CALU: variants seen among roughly 807,000 people sequenced by gnomAD.
The protein encoded by CALU is calumenin.
Under a neutral mutation model 37.5 loss-of-function variants are expected in CALU, and 13 were observed. The observed-to-expected ratio is 0.35, with a 90% CI of 0.23 to 0.55. The LOEUF (loss-of-function observed/expected upper bound fraction) is 0.55. Ranked by LOEUF, CALU falls within the 20% of genes least tolerant of loss-of-function variation. The pLI, the probability that CALU is intolerant of heterozygous loss-of-function variation, is 0.89. For missense variants in CALU, 282 were observed against 391.7 expected (o/e 0.72, Z 2.36); for synonymous variants, 114 against 133.8 (o/e 0.85, Z 1.02).
intron 3 of CALU, among the ~76,000 whole-genome samples, chr7:128,755,357 C>T (rs1292298879): frequency 2.0e-5 from 3 of 149,184 alleles, no homozygotes; most frequent in African/African-American, 7.4e-5. Flanking sequence ...TACATACTTC[C>T]AACAGTGCAA....
intron 6 of CALU, 138 bp downstream of exon 6, chr7:128,767,793 G>T: frequency 1.4e-6 from 1 of 696,064 alleles, no homozygotes. Flanking sequence ...TGAATCTGGC[G>T]ATTAAAACCT....
intron 1 of CALU, among the ~76,000 whole-genome samples, chr7:128,747,089 A>T (rs1403672905): frequency 1.3e-5 from 2 of 151,802 alleles, no homozygotes; most frequent in African/African-American, 4.8e-5. Flanking sequence ...ACCTTTGTGT[A>T]TTTTTCCATA....
intron 1 of CALU, among the ~76,000 whole-genome samples, chr7:128,744,435 C>G (rs1800355638): frequency 6.6e-6 from 1 of 151,870 alleles, no homozygotes; most frequent in Non-Finnish European, 1.5e-5. Context: ...ATTCATAAAA[C>G]AAGAGGGCTT....
chr7:128,755,298 C>G (rs763711730), intron 3 of CALU, among the ~76,000 whole-genome samples: 1 of 106,650 alleles, frequency 9.4e-6, no homozygotes, highest in East Asian at 2.5e-4. Flanking sequence ...GGGGACAGAG[C>G]GAGCTCTGTC....
At chr7:128,762,877 G>A (rs941403098) in intron 5 of CALU, among the ~76,000 whole-genome samples, 8 of 151,962 alleles carry the variant, frequency 5.3e-5, no homozygotes, top group Non-Finnish European at 1.2e-4. Flanking sequence ...ATGTTGGCCA[G>A]GGTGATCTTG....
At chr7:128,742,374 A>T (rs1386863490) in intron 1 of CALU, among the ~76,000 whole-genome samples, 1 of 152,194 alleles carries the variant, frequency 6.6e-6, no homozygotes, top group Non-Finnish European at 1.5e-5. Context: ...GTGAATATCC[A>T]TCCAGCTCAG....
intron 2 of CALU, among the ~76,000 whole-genome samples, chr7:128,753,410 A>T (rs140056913): frequency 4.9e-4 from 75 of 152,248 alleles, no homozygotes; most frequent in African/African-American, 1.8e-3. Context: ...TTTTCATATC[A>T]TGGACATATT....
chr7:128,758,054 C>T (rs993665355), intron 3 of CALU, among the ~76,000 whole-genome samples: 1 of 146,558 alleles, frequency 6.8e-6, no homozygotes, highest in Admixed American at 6.7e-5. Flanking sequence ...TATCCATTAC[C>T]CCCCCAACAT....
chr7:128,754,550 C>T (rs368808641), intron 3 of CALU, 95 bp downstream of exon 3: 206 of 1,559,278 alleles, frequency 1.3e-4, no homozygotes, highest in African/African-American at 1.2e-3. Flanking sequence ...ATAAAATAGA[C>T]GCGGATAAAG....
intron 2 of CALU, among the ~76,000 whole-genome samples, chr7:128,749,568 TC>T (rs1260654138): frequency 6.6e-6 from 1 of 152,208 alleles, no homozygotes; most frequent in African/African-American, 2.4e-5. Flanking sequence ...TGGTGCAACT[TC>T]CTGATTGTAT....
Position 128,769,438 on chromosome 7 carries a change from C to T in CALU, c.*271C>T, listed in dbSNP as rs1321630685. ...ATGGCGTGTTTATTTTTGTATTTTT[C>T]TCTGGTTGGGAGTATGATATGAAGG... On this transcript the variant is annotated 3_prime_UTR_variant, in exon 7 of 7. Coordinates refer to ENST00000249364, the MANE Select transcript of CALU (RefSeq NM_001219.5). The T allele has an allele frequency of 4.5e-6, 1 of 222,054 alleles. No homozygotes were observed. Among genetic ancestry groups the T allele is most frequent in the Non-Finnish European group, 9.0e-6 (1 of 111,616 alleles). 13.8% of individuals were successfully genotyped at this position (222,054 alleles called of 1,614,324 possible).
chr7:128,742,016 T>C (rs1800260071), intron 1 of CALU, among the ~76,000 whole-genome samples: 1 of 152,230 alleles, frequency 6.6e-6, no homozygotes. Flanking sequence ...AGCTGTCTTA[T>C]AAATGTATTC....
At chr7:128,754,847 T>C in intron 3 of CALU, 1 of 446,658 alleles carries the variant, frequency 2.2e-6, no homozygotes, top group South Asian at 1.0e-4. Flanking sequence ...TGATTCCCTT[T>C]ATTAATTTTA....
At chr7:128,764,397 G>A (rs1346576920) in intron 5 of CALU, among the ~76,000 whole-genome samples, 2 of 149,606 alleles carry the variant, frequency 1.3e-5, no homozygotes, top group Non-Finnish European at 3.0e-5. Flanking sequence ...CTGCACTCCA[G>A]CCTGGGCAAC....
chr7:128,755,038 G>A (rs1299744059), intron 3 of CALU, among the ~76,000 whole-genome samples: 4 of 151,154 alleles, frequency 2.6e-5, no homozygotes, highest in African/African-American at 4.9e-5. Flanking sequence ...GCTGGGTGCC[G>A]ATAGCTCACG....
intron 5 of CALU, 142 bp downstream of exon 5, chr7:128,759,994 A>G: frequency 1.8e-6 from 1 of 554,774 alleles, no homozygotes; most frequent in Non-Finnish European, 3.3e-6. Context: ...TCAGGAGTCC[A>G]AGTCCAGCCT....
In CALU at chr7:128,759,868, T is replaced by A; in HGVS notation, c.643+16T>A. 2 of 1,273,012 alleles carry A rather than the reference T, an allele frequency of 1.6e-6. No individual in the cohort carries two copies. The highest frequency in any genetic ancestry group is 2.3e-6 in the Non-Finnish European group (2 of 870,652). 78.9% of individuals were successfully genotyped at this position (1,273,012 alleles called of 1,614,324 possible). A position where few individuals can be genotyped will look rare whatever the true frequency, so the allele number is the denominator to read the frequency against. On this transcript the variant is annotated intron_variant, in intron 5 of 6. Transcript: ENST00000249364. ...GAGTATATTGGTAAGTCTCTGCTTT[T>A]AGTGTTTTTCTTAGAAAAGCTGAGA...
At chr7:128,760,462 A>G (rs937336357) in intron 5 of CALU, among the ~76,000 whole-genome samples, 2 of 152,004 alleles carry the variant, frequency 1.3e-5, no homozygotes, top group Non-Finnish European at 2.9e-5. Flanking sequence ...CTAAAACTCT[A>G]TAATTTCCAC....
chr7:128,763,980 A>G (rs944062100), intron 5 of CALU, among the ~76,000 whole-genome samples: 1 of 152,250 alleles, frequency 6.6e-6, no homozygotes, highest in African/African-American at 2.4e-5. Context: ...CATGCAATGC[A>G]GGTACACTTA....
Sources: gnomAD v4.1 joint callset for allele counts (sites outside exome capture counted in the v4.1 genomes callset) on GRCh38, gnomAD v4.1.1 for gene constraint, MANE v1.5 for transcripts, NCBI Gene and HGNC (gene_info 2026-07-23, HGNC 2026-07-21) for gene names.